ANKRD18A: variants seen among roughly 807,000 people sequenced by gnomAD.
ANKRD18A encodes the protein ankyrin repeat domain-containing protein 18A.
Under a neutral mutation model 110.6 loss-of-function variants are expected in ANKRD18A, and 72 were observed. That is an observed-to-expected ratio of 0.65 (90% CI 0.54 to 0.79). The LOEUF (loss-of-function observed/expected upper bound fraction) is 0.79. ANKRD18A is among the 30% of genes least tolerant of loss of function. ANKRD18A has a pLI of 0.00. For synonymous variants in ANKRD18A, 305 were observed against 410.3 expected (o/e 0.74, Z 3.10); for missense variants, 934 against 1,163.3 (o/e 0.80, Z 2.87).
chr9:38,620,042 G>C, intron 1 of ANKRD18A, 38 bp downstream of exon 1: 1 of 1,546,326 alleles, frequency 6.5e-7, no homozygotes, highest in Non-Finnish European at 8.7e-7. Context: ...AGCCGGGCCT[G>C]CGGCCCCCTC....
chr9:38,606,711 T>C (rs1825374211), intron 6 of ANKRD18A, among the ~76,000 whole-genome samples: 1 of 152,170 alleles, frequency 6.6e-6, no homozygotes, highest in Admixed American at 6.5e-5. Flanking sequence ...AAGAATCAAT[T>C]GGAATTAATA....
Position 38,595,855 on chromosome 9 carries a change from A to G in ANKRD18A, c.1485T>C (p.Asp495=), listed in dbSNP as rs759573339. 3.9e-6 allele frequency: 6 copies of G among 1,551,254 alleles called. No homozygotes were observed. The highest frequency in any genetic ancestry group is 5.2e-6 in the Non-Finnish European group (6 of 1,146,690). Residue 495 remains aspartate, a synonymous_variant, in exon 9 of 16, where the codon GAT becomes GAC. Transcript: ENST00000399703. ...AAGCCAATGTCTTTTCCCTGAGAGC[A>G]TCTCTTGTCTCACGGAGCTTACCTT... is the stretch of plus-strand genomic sequence containing the variant. ...TLKGKLRETR[D]ALREKTLALG... is the part of the protein sequence containing the mutation.
chr9:38,585,338 A>G (rs1404340513), intron 12 of ANKRD18A, among the ~76,000 whole-genome samples: 7 of 152,220 alleles, frequency 4.6e-5, no homozygotes, highest in Non-Finnish European at 7.3e-5. Flanking sequence ...ATTGTCACCT[A>G]AAGAATCCTT....
chr9:38,613,446 TTTTCTC>T lies in ANKRD18A; in HGVS notation c.496-2131_496-2126del, dbSNP rs529089876. On this transcript the variant is annotated intron_variant, in intron 3 of 15. Transcript: ENST00000399703. ...AAACCAAGTATTTGCATGTGGAACT[TTTTCTC>T]TGTCTAGTATCGTATGTTTAATAAA... Among the ~76,000 whole-genome samples the T allele has an allele frequency of 5.4e-3, 816 of 152,206 alleles. 9 individuals are homozygous for T. The highest frequency in any genetic ancestry group is 0.019 in the African/African-American group (783 of 41,536).
intron 5 of ANKRD18A, among the ~76,000 whole-genome samples, chr9:38,608,700 T>C (rs570639949): frequency 2.0e-4 from 29 of 146,862 alleles, no homozygotes; most frequent in African/African-American, 6.4e-4. Flanking sequence ...AATATAATTA[T>C]ATACATTATA....
chr9:38,613,564 T>C (rs1190922699), intron 3 of ANKRD18A, among the ~76,000 whole-genome samples: 1 of 152,234 alleles, frequency 6.6e-6, no homozygotes, highest in Non-Finnish European at 1.5e-5. Context: ...CATTTATTCA[T>C]TTGCAATCTA....
At chr9:38,581,606 T>C (rs1824166350) in intron 12 of ANKRD18A, among the ~76,000 whole-genome samples, 1 of 152,132 alleles carries the variant, frequency 6.6e-6, no homozygotes, top group South Asian at 2.1e-4. Context: ...ACTTTTACTC[T>C]TCACAGAAGT....
At chr9:38,592,606 A>G (rs1824702392) in intron 10 of ANKRD18A, among the ~76,000 whole-genome samples, 1 of 152,170 alleles carries the variant, frequency 6.6e-6, no homozygotes. Flanking sequence ...ATAAAAACAT[A>G]TGTCCATACA....
chr9:38,586,952 C>T (rs1358166504), intron 11 of ANKRD18A, among the ~76,000 whole-genome samples: 2 of 151,594 alleles, frequency 1.3e-5, no homozygotes, highest in African/African-American at 4.8e-5. Context: ...AAGGCATAAC[C>T]GAGAGATGAG....
chr9:38,575,640 T>C lies in ANKRD18A; in HGVS notation c.2800A>G (p.Lys934Glu), dbSNP rs41278339. 38,263 of 1,551,628 alleles carry C rather than the reference T, an allele frequency of 0.025. 546 individuals carry two copies. Among genetic ancestry groups the C allele is most frequent in the African/African-American group, 0.045 (3,329 of 73,168 alleles). Residue 934 changes from lysine to glutamate, a missense_variant, in exon 15 of 16, where the codon AAA (lysine) becomes GAA (glutamate). Lys to Glu is a moderately conservative substitution (Grantham distance 56, BLOSUM62 1). Around this residue, in one of 4 missense-constraint regions of ANKRD18A, gnomAD observed 223 missense variants for 226.7 expected, o/e 0.98. Transcript: ENST00000399703. ...GTAGGAAGAGTGCTGAGAAAATATTTCATCCGCTGTTTCTCCGTAAAGAGC... is the reference window on the plus strand; with the variant it reads ...GTAGGAAGAGTGCTGAGAAAATATTCCATCCGCTGTTTCTCCGTAAAGAGC... ...TKLFTEKQRM[K>E]YFLSTLPTRP...
At chr9:38,587,745 T>C (rs1824447298) in intron 11 of ANKRD18A, among the ~76,000 whole-genome samples, 1 of 152,196 alleles carries the variant, frequency 6.6e-6, no homozygotes, top group Non-Finnish European at 1.5e-5. Context: ...TCAAACTAGA[T>C]AATGAAAAGT....
At chr9:38,575,836 A>AG (rs143865410) in intron 14 of ANKRD18A, 138 bp from the exon 15 acceptor site, 14,793 of 757,340 alleles carry the variant, frequency 0.02, 785 homozygotes, top group African/African-American at 0.15. Flanking sequence ...AAGATGTGTG[A>AG]GGGCATACCT....
At chr9:38,601,091 A>T in intron 8 of ANKRD18A, 40 bp downstream of exon 8, 1 of 1,522,458 alleles carries the variant, frequency 6.6e-7, no homozygotes, top group Non-Finnish European at 8.9e-7. Context: ...AAACAAACAA[A>T]CAAACCAGTA....
In ANKRD18A at chr9:38,615,694, A is replaced by T. The variant is rs1192430025; in HGVS notation, c.395T>A (p.Ile132Asn). 9.3e-6 allele frequency: 15 copies of T among 1,612,700 alleles called. No individual in the cohort carries two copies. The highest frequency in any genetic ancestry group is 1.3e-5 in the Non-Finnish European group (15 of 1,179,870). The change falls in exon 3 of 16, where the codon ATC becomes AAC. Residue 132 changes from isoleucine (I) to asparagine (N), a missense_variant. Ile to Asn is a moderately radical substitution (Grantham distance 149). Around this residue, in one of 4 missense-constraint regions of ANKRD18A, gnomAD observed 630 missense variants for 797.5 expected, o/e 0.79. Coordinates refer to ENST00000399703, the MANE Select transcript of ANKRD18A (RefSeq NM_147195.4). ...ATAATGGAGAGCAGTGTTGCCGTAG[A>T]TATCCTCAATGTTTGGATTGGCGCC... ...ECGANPNIED[I>N]YGNTALHYAV... is the part of the protein sequence containing the mutation.
At chr9:38,607,379 A>G in intron 6 of ANKRD18A, 47 bp downstream of exon 6, 1 of 1,419,490 alleles carries the variant, frequency 7.0e-7, no homozygotes, top group Non-Finnish European at 9.4e-7. Flanking sequence ...TTTTAAAATC[A>G]GTAAGATCAC....
At chr9:38,604,734 G>A (rs1298844295) in intron 6 of ANKRD18A, 1 of 151,740 alleles carries the variant, frequency 6.6e-6, no homozygotes, top group African/African-American at 2.4e-5. Flanking sequence ...TCACTGACAC[G>A]TACTAAGTAT....
At chr9:38,612,480 CATA>C (rs1383196367) in intron 3 of ANKRD18A, among the ~76,000 whole-genome samples, 1 of 150,216 alleles carries the variant, frequency 6.7e-6, no homozygotes, top group East Asian at 2.0e-4. Context: ...TTGTTTCTAG[CATA>C]ATAAGAGCCA....
chr9:38,593,331 A>C (rs1446483253), intron 10 of ANKRD18A, among the ~76,000 whole-genome samples: 1 of 152,230 alleles, frequency 6.6e-6, no homozygotes, highest in Non-Finnish European at 1.5e-5. Flanking sequence ...AAGTTAACCT[A>C]GAATCCATGA....
chr9:38,593,942 A>T, intron 9 of ANKRD18A, 33 bp from the exon 10 acceptor site: 1 of 1,446,746 alleles, frequency 6.9e-7, no homozygotes, highest in Non-Finnish European at 9.1e-7. Flanking sequence ...AATTTTATAA[A>T]GTGGCTTATT....
Sources: allele counts gnomAD v4.1 joint callset (sites outside exome capture counted in the v4.1 genomes callset), GRCh38; gene constraint gnomAD v4.1.1; regional missense constraint gnomAD v4.1.1; transcripts MANE v1.5; gene names NCBI Gene and HGNC (gene_info 2026-07-23, HGNC 2026-07-21).